LHFPL3: variants seen among roughly 807,000 people sequenced by gnomAD.
The protein encoded by LHFPL3 is LHFPL tetraspan subfamily member 3 protein.
In LHFPL3, 5 loss-of-function variants were observed where a neutral mutation model predicts 19.3. That is an observed-to-expected ratio of 0.26 (90% CI 0.14 to 0.54). The LOEUF is 0.54. Ranked by LOEUF, LHFPL3 falls within the 20% of genes least tolerant of loss-of-function variation. The pLI is 0.94. For synonymous variants in LHFPL3, 133 were observed against 126.2 expected, an observed-to-expected ratio of 1.05 and a Z score of -0.36; for missense variants, 249 against 307.4, an observed-to-expected ratio of 0.81 and a Z score of 1.42.
intron 1 of LHFPL3, among the ~76,000 whole-genome samples, chr7:104,426,589 G>C (rs928337791): frequency 1.3e-5 from 2 of 152,146 alleles, no homozygotes; most frequent in African/African-American, 2.4e-5. Flanking sequence ...ACACAGTGAA[G>C]CTCTTAAAAT....
At chr7:104,461,798 G>A (rs188109247) in intron 1 of LHFPL3, among the ~76,000 whole-genome samples, 19 of 152,230 alleles carry the variant, frequency 1.2e-4, no homozygotes, top group Admixed American at 2.6e-4. Context: ...AATGTCATTG[G>A]TAGTTTAATA....
chr7:104,847,584 C>T (rs1791335453), intron 2 of LHFPL3, among the ~76,000 whole-genome samples: 1 of 152,196 alleles, frequency 6.6e-6, no homozygotes, highest in African/African-American at 2.4e-5. Context: ...GATCTCAGCT[C>T]ACTGCAACCT....
intron 1 of LHFPL3, among the ~76,000 whole-genome samples, chr7:104,734,325 G>C (rs990210710): frequency 6.6e-6 from 1 of 152,166 alleles, no homozygotes; most frequent in Non-Finnish European, 1.5e-5. Flanking sequence ...TTCCAACTTG[G>C]TTCCATTCTC....
chr7:104,350,666 CACAA>C (rs1442200403), intron 1 of LHFPL3, among the ~76,000 whole-genome samples: 2 of 152,138 alleles, frequency 1.3e-5, no homozygotes, highest in East Asian at 1.9e-4. Flanking sequence ...GACTGGCAGA[CACAA>C]ACAAGTAATT....
At chr7:104,554,081 A>G (rs566315761) in intron 1 of LHFPL3, among the ~76,000 whole-genome samples, 80 of 152,152 alleles carry the variant, frequency 5.3e-4, no homozygotes, top group African/African-American at 1.9e-3. Flanking sequence ...TCTTTTGTAC[A>G]CTGCTTTATA....
intron 1 of LHFPL3, among the ~76,000 whole-genome samples, chr7:104,667,507 C>T (rs553728777): frequency 6.6e-6 from 1 of 152,170 alleles, no homozygotes; most frequent in Admixed American, 6.6e-5. Context: ...TTAGCTGCCC[C>T]AGCAGAATCA....
intron 2 of LHFPL3, among the ~76,000 whole-genome samples, chr7:104,856,422 G>A (rs1207291588): frequency 2.0e-5 from 3 of 151,824 alleles, no homozygotes; most frequent in African/African-American, 7.3e-5. Context: ...GCTAATTTTT[G>A]TATTTTTAGT....
chr7:104,876,155 T>C (rs1246933500), intron 2 of LHFPL3, among the ~76,000 whole-genome samples: 2 of 152,162 alleles, frequency 1.3e-5, no homozygotes, highest in African/African-American at 4.8e-5. Flanking sequence ...ACTTAAATGT[T>C]AGACCTAAAA....
intron 1 of LHFPL3, among the ~76,000 whole-genome samples, chr7:104,599,262 G>T (rs573964479): frequency 2.6e-5 from 4 of 152,294 alleles, no homozygotes; most frequent in Non-Finnish European, 5.9e-5. Flanking sequence ...CATAAATATA[G>T]AATAACACTA....
chr7:104,709,707 G>A (rs1310224446), intron 1 of LHFPL3, among the ~76,000 whole-genome samples: 1 of 151,606 alleles, frequency 6.6e-6, no homozygotes. Context: ...CGACAAAACC[G>A]CCATCATCAT....
rs533883840 is a variant in LHFPL3 at position 104,556,188 on chromosome 7, C to T, written c.446-180487C>T. Among the ~76,000 whole-genome samples, 9 of 152,322 alleles carry T rather than the reference C, an allele frequency of 5.9e-5. No homozygotes were observed. In the South Asian group the frequency reaches 6.2e-4, roughly 11 times the overall value. ...TATTCTAGGGTCTGGAGGACATTGG[C>T]CCTCTTCTCACAGCTCCACTAGGCA... On this transcript the variant is annotated intron_variant, in intron 1 of 2. Coordinates refer to ENST00000424859, the MANE Select transcript of LHFPL3 (RefSeq NM_199000.3).
At chr7:104,657,830 T>C (rs1306424438) in intron 1 of LHFPL3, among the ~76,000 whole-genome samples, 2 of 152,348 alleles carry the variant, frequency 1.3e-5, no homozygotes, top group African/African-American at 2.4e-5. Context: ...ACTTCCACAA[T>C]TGAATTTGAC....
intron 1 of LHFPL3, among the ~76,000 whole-genome samples, chr7:104,461,860 A>G (rs1584335821): frequency 1.3e-5 from 2 of 152,130 alleles, no homozygotes; most frequent in Admixed American, 1.3e-4. Context: ...CATTTTAATA[A>G]TATTGATTCT....
At chr7:104,579,185 G>A (rs914749266) in intron 1 of LHFPL3, among the ~76,000 whole-genome samples, 5 of 152,072 alleles carry the variant, frequency 3.3e-5, no homozygotes, top group Non-Finnish European at 7.4e-5. Context: ...TTAGATTCGG[G>A]AGTACGTGTG....
At chr7:104,420,554 ATTTTT>A (rs71153195) in intron 1 of LHFPL3, among the ~76,000 whole-genome samples, 6 of 112,708 alleles carry the variant, frequency 5.3e-5, no homozygotes, top group Non-Finnish European at 7.0e-5. Flanking sequence ...CAAAGGGTGA[ATTTTT>A]TTTTTTTTTT....
At chr7:104,582,013 C>A (rs1790471002) in intron 1 of LHFPL3, among the ~76,000 whole-genome samples, 1 of 151,790 alleles carries the variant, frequency 6.6e-6, no homozygotes, top group South Asian at 2.1e-4. Context: ...TATCAGAAAG[C>A]CTTTATGGTA....
At chr7:104,515,993 C>A (rs970895486) in intron 1 of LHFPL3, among the ~76,000 whole-genome samples, 11 of 152,114 alleles carry the variant, frequency 7.2e-5, no homozygotes, top group African/African-American at 2.4e-4. Context: ...CAGCACCCCA[C>A]TCTACTCTAC....
At chr7:104,591,495 G>T (rs954455020) in intron 1 of LHFPL3, among the ~76,000 whole-genome samples, 8 of 152,182 alleles carry the variant, frequency 5.3e-5, no homozygotes, top group African/African-American at 1.7e-4. Context: ...CTGTTAGTCT[G>T]ATGGGCTTCC....
chr7:104,360,485 A>G (rs2116408120), intron 1 of LHFPL3, among the ~76,000 whole-genome samples: 1 of 152,280 alleles, frequency 6.6e-6, no homozygotes, highest in South Asian at 2.1e-4. Context: ...GAGGAAACTG[A>G]GCAGGTGAAG....
Sources: allele counts gnomAD v4.1 joint callset (sites outside exome capture counted in the v4.1 genomes callset), GRCh38; gene constraint gnomAD v4.1.1; transcripts MANE v1.5; gene names NCBI Gene and HGNC (gene_info 2026-07-23, HGNC 2026-07-21).